NDFIP2: variants seen among roughly 807,000 people sequenced by gnomAD.
NDFIP2 encodes the protein NEDD4 family-interacting protein 2.
Under a neutral mutation model 36.0 loss-of-function variants are expected in NDFIP2, and 19 were observed. The observed-to-expected ratio is 0.53, with a 90% CI of 0.37 to 0.77. NDFIP2 has a LOEUF of 0.77. Among genes scored for constraint, NDFIP2 ranks in the 30% least tolerant of loss-of-function variants. The pLI, the probability that NDFIP2 is intolerant of heterozygous loss-of-function variation, is 0.00. For synonymous variants in NDFIP2, 181 were observed against 167.7 expected (o/e 1.08, Z -0.61); for missense variants, 446 against 435.8 (o/e 1.02, Z -0.21).
intron 1 of NDFIP2, among the ~76,000 whole-genome samples, chr13:79,488,269 A>C (rs1322697105): frequency 1.3e-5 from 2 of 152,176 alleles, no homozygotes; most frequent in African/African-American, 4.8e-5. Flanking sequence ...GTATTATGTC[A>C]ATTTGGGTTG....
At chr13:79,511,468 G>A (rs1053427156) in intron 1 of NDFIP2, among the ~76,000 whole-genome samples, 2 of 152,104 alleles carry the variant, frequency 1.3e-5, no homozygotes, top group Non-Finnish European at 1.5e-5. Context: ...AACTTTTAGG[G>A]TCAGATATTT....
chr13:79,514,255 A>G (rs1874186982), intron 1 of NDFIP2, among the ~76,000 whole-genome samples: 1 of 152,242 alleles, frequency 6.6e-6, no homozygotes, highest in South Asian at 2.1e-4. Context: ...TACTTGTGTT[A>G]GCAAGGTTCT....
At position 79,533,455 on chromosome 13, in the gene NDFIP2, G is replaced by C; in HGVS notation, c.620G>C (p.Arg207Thr). The C allele has an allele frequency of 1.9e-6, 3 of 1,586,382 alleles. No individual in the cohort carries two copies. The highest frequency in any genetic ancestry group is 2.2e-5 in the East Asian group (1 of 44,586). ...GCTGCAGCAGCAGAAACATCTCAAA[G>C]AGTAAGAAAATTTCATCATTTCTTT... is the stretch of plus-strand genomic sequence containing the variant. ...MAAAAAETSQ[R>T]IQEEECPPRD... Residue 207 changes from arginine (R) to threonine (T), a missense_variant and splice_region_variant, in exon 3 of 8, where the codon AGA (arginine) becomes ACA (threonine). Around this residue, in one of 2 missense-constraint regions of NDFIP2, gnomAD observed 369 missense variants for 304.8 expected, o/e 1.21. Transcript: ENST00000218652.
chr13:79,510,112 T>C (rs780111106), intron 1 of NDFIP2, among the ~76,000 whole-genome samples: 26 of 152,106 alleles, frequency 1.7e-4, no homozygotes, highest in Non-Finnish European at 3.4e-4. Context: ...GGCTTAGAAT[T>C]TTATGTTTGG....
At chr13:79,526,950 G>A (rs1874820173) in intron 2 of NDFIP2, among the ~76,000 whole-genome samples, 1 of 152,158 alleles carries the variant, frequency 6.6e-6, no homozygotes, top group South Asian at 2.1e-4. Flanking sequence ...TAGCTTCTCA[G>A]TGGTAAAGAC....
intron 2 of NDFIP2, among the ~76,000 whole-genome samples, chr13:79,531,779 C>T (rs1875026905): frequency 6.6e-6 from 1 of 152,176 alleles, no homozygotes; most frequent in Non-Finnish European, 1.5e-5. Flanking sequence ...CTGGTTTGAT[C>T]TTCTAACTGG....
At position 79,522,262 on chromosome 13, in the gene NDFIP2, A is replaced by C. The variant is rs559325235; in HGVS notation, c.487+1287A>C. Among the ~76,000 whole-genome samples, 126 of 152,316 alleles carry C rather than the reference A, an allele frequency of 8.3e-4. 1 individual carries two copies. Among genetic ancestry groups the C allele is most frequent in the African/African-American group, 3.0e-3 (123 of 41,564 alleles). ...TAACAGCTGGTTTGATGCCTGTTAA[A>C]ATTTATTATATGCTAAATAGTAATT... On this transcript the variant is annotated intron_variant, in intron 2 of 7. Transcript: ENST00000218652.
intron 1 of NDFIP2, chr13:79,518,907 C>G (rs567987256): frequency 1.3e-5 from 2 of 152,286 alleles, no homozygotes; most frequent in African/African-American, 4.8e-5. Context: ...CTCCTAGGCT[C>G]AAGTGATTCT....
At chr13:79,514,568 G>A (rs1874202401) in intron 1 of NDFIP2, among the ~76,000 whole-genome samples, 1 of 152,162 alleles carries the variant, frequency 6.6e-6, no homozygotes, top group Admixed American at 6.5e-5. Flanking sequence ...GACAAGAAAG[G>A]CTTTCCTCAG....
chr13:79,485,066 G>A (rs1872911907), intron 1 of NDFIP2, among the ~76,000 whole-genome samples: 1 of 152,104 alleles, frequency 6.6e-6, no homozygotes, highest in South Asian at 2.1e-4. Context: ...TCATGACATA[G>A]CAAGCAGCAC....
chr13:79,492,430 G>C (rs1210067694), intron 1 of NDFIP2, among the ~76,000 whole-genome samples: 1 of 151,940 alleles, frequency 6.6e-6, no homozygotes, highest in Non-Finnish European at 1.5e-5. Flanking sequence ...TTGAGGCAGA[G>C]TCTCGCTGTG....
Position 79,520,779 on chromosome 13 carries a change from T to G in NDFIP2, c.322-31T>G, listed in dbSNP as rs201569258. ...AATTTAAAAAATAATTAGCATTACATTAATGTTTTGTTTTTCTTTTGTTCT... is the reference window on the plus strand; with the variant it reads ...AATTTAAAAAATAATTAGCATTACAGTAATGTTTTGTTTTTCTTTTGTTCT... On this transcript the variant is annotated intron_variant, in intron 1 of 7. Transcript: ENST00000218652. 9.5e-4 allele frequency: 1,494 copies of G among 1,564,416 alleles called. 4 individuals are homozygous for G. The highest frequency in any genetic ancestry group is 1.2e-3 in the Non-Finnish European group (1,384 of 1,147,636).
intron 3 of NDFIP2, among the ~76,000 whole-genome samples, chr13:79,535,236 G>C (rs1452785768): frequency 6.6e-6 from 1 of 152,064 alleles, no homozygotes; most frequent in Non-Finnish European, 1.5e-5. Flanking sequence ...TTTTCTCAGG[G>C]GGTGTTTGCC....
chr13:79,496,291 C>A (rs1873430729), intron 1 of NDFIP2, among the ~76,000 whole-genome samples: 1 of 151,786 alleles, frequency 6.6e-6, no homozygotes, highest in Non-Finnish European at 1.5e-5. Context: ...TGCCTCAATT[C>A]CTTAAGTGTC....
intron 6 of NDFIP2, among the ~76,000 whole-genome samples, chr13:79,548,870 TG>T (rs571581359): frequency 2.6e-5 from 4 of 152,052 alleles, no homozygotes; most frequent in Non-Finnish European, 4.4e-5. Flanking sequence ...ACAGTGCTTC[TG>T]TTGAGTTGTC....
intron 1 of NDFIP2, among the ~76,000 whole-genome samples, chr13:79,507,550 A>T (rs2140751448): frequency 1.1e-5 from 1 of 93,024 alleles, no homozygotes; most frequent in East Asian, 3.2e-4. Context: ...CTGGGATTAC[A>T]GGCGTGAGCC....
At chr13:79,543,800 C>T in intron 5 of NDFIP2, 118 bp downstream of exon 5, 1 of 1,275,814 alleles carries the variant, frequency 7.8e-7, no homozygotes, top group East Asian at 2.4e-5. Flanking sequence ...AAGGCTTATT[C>T]TTAAATCCTA....
chr13:79,495,271 T>C (rs1873393891), intron 1 of NDFIP2, among the ~76,000 whole-genome samples: 1 of 151,900 alleles, frequency 6.6e-6, no homozygotes, highest in Non-Finnish European at 1.5e-5. Context: ...TGTGTCTGTA[T>C]TGATTTTGTT....
At chr13:79,509,902 T>A (rs1482022802) in intron 1 of NDFIP2, among the ~76,000 whole-genome samples, 2 of 152,196 alleles carry the variant, frequency 1.3e-5, no homozygotes, top group Non-Finnish European at 2.9e-5. Context: ...TTTTTCTGCC[T>A]GCTTTATATT....
Sources: allele counts gnomAD v4.1 joint callset (sites outside exome capture counted in the v4.1 genomes callset), GRCh38; gene constraint gnomAD v4.1.1; regional missense constraint gnomAD v4.1.1; transcripts MANE v1.5; gene names NCBI Gene and HGNC (gene_info 2026-07-23, HGNC 2026-07-21).